Variants in FGF10 observed in about 807,000 individuals in gnomAD.
The protein encoded by FGF10 is fibroblast growth factor 10.
In FGF10, 2 loss-of-function variants were observed where a neutral mutation model predicts 19.8. That is an observed-to-expected ratio of 0.10 (90% CI 0.04 to 0.32). The LOEUF is 0.32. Among genes scored for constraint, FGF10 ranks in the 10% least tolerant of loss-of-function variants. FGF10 has a pLI of 1.00. For synonymous variants in FGF10, 112 were observed against 94.0 expected (o/e 1.19, Z -1.10); for missense variants, 191 against 246.3 (o/e 0.78, Z 1.50).
intron 1 of FGF10, among the ~76,000 whole-genome samples, chr5:44,383,457 A>T (rs1742028354): frequency 6.6e-6 from 1 of 152,078 alleles, no homozygotes; most frequent in Non-Finnish European, 1.5e-5. Flanking sequence ...TTAAAGAGTC[A>T]TTCACACCTT....
chr5:44,375,171 A>G (rs1298247115), intron 1 of FGF10, among the ~76,000 whole-genome samples: 1 of 152,178 alleles, frequency 6.6e-6, no homozygotes, highest in East Asian at 1.9e-4. Context: ...TTATATGCCA[A>G]ATACTATCTT....
chr5:44,335,648 A>G (rs1170140741), intron 1 of FGF10, among the ~76,000 whole-genome samples: 1 of 152,116 alleles, frequency 6.6e-6, no homozygotes, highest in Non-Finnish European at 1.5e-5. Flanking sequence ...ATTATGGAAA[A>G]CACATCCTTT....
intron 1 of FGF10, among the ~76,000 whole-genome samples, chr5:44,361,052 G>GA (rs987627219): frequency 6.6e-6 from 1 of 151,646 alleles, no homozygotes; most frequent in African/African-American, 2.4e-5. Flanking sequence ...AAAGTTCCCA[G>GA]AAATGTCTTT....
chr5:44,304,919 T>A lies in FGF10; in HGVS notation c.*76A>T. 1.4e-6 allele frequency: 2 copies of A among 1,425,154 alleles called. No individual in the cohort carries two copies. Among genetic ancestry groups the A allele is most frequent in the Non-Finnish European group, 9.9e-7 (1 of 1,008,750 alleles). The allele number at this position is 1,425,154 out of a possible 1,614,324, so 88.3% of individuals were successfully genotyped here. A position where few individuals can be genotyped will look rare whatever the true frequency, so the allele number is the denominator to read the frequency against. On this transcript the variant is annotated 3_prime_UTR_variant, in exon 3 of 3. Transcript: ENST00000264664. ...AACGTGTCTTTGCCTTTCAATCTAC[T>A]GTCTTCATGAAGAATATCCACTATT...
In FGF10 at chr5:44,302,039, C is replaced by A. The variant is rs929421113; in HGVS notation, c.*2956G>T. On this transcript the variant is annotated 3_prime_UTR_variant, in exon 3 of 3. Transcript: ENST00000264664. ...CACTTTAACTTTGTGGGCCTGGGAC[C>A]ATACTCCTACAGAGGCAGATCTCTC... Among the ~76,000 whole-genome samples the A allele has an allele frequency of 1.3e-5, 2 of 151,658 alleles. No individual in the cohort carries two copies. Among genetic ancestry groups the A allele is most frequent in the South Asian group, 4.2e-4 (2 of 4,816 alleles).
intron 2 of FGF10, among the ~76,000 whole-genome samples, chr5:44,307,489 A>AC (rs1363104926): frequency 6.6e-6 from 1 of 152,228 alleles, no homozygotes; most frequent in African/African-American, 2.4e-5. Context: ...AAAACTCAAA[A>AC]TACAATAGAT....
At chr5:44,373,499 T>C (rs969786483) in intron 1 of FGF10, among the ~76,000 whole-genome samples, 10 of 152,200 alleles carry the variant, frequency 6.6e-5, no homozygotes, top group Non-Finnish European at 1.3e-4. Context: ...TTCAACACTT[T>C]GCTTGGAAAT....
Position 44,304,899 on chromosome 5 carries a change from G to A in FGF10, c.*96C>T, listed in dbSNP as rs1457099751. On this transcript the variant is annotated 3_prime_UTR_variant, in exon 3 of 3. Coordinates refer to ENST00000264664, the MANE Select transcript of FGF10 (RefSeq NM_004465.2). ...TTAAGCAAGCAGACATCTGCAACGT[G>A]TCTTTGCCTTTCAATCTACTGTCTT... The A allele has an allele frequency of 2.1e-5, 26 of 1,256,754 alleles. No individual in the cohort carries two copies. The highest frequency in any genetic ancestry group is 2.8e-5 in the Non-Finnish European group (24 of 856,862). The allele number at this position is 1,256,754 out of a possible 1,614,324, so 77.9% of individuals were successfully genotyped here.
rs1255091692 is a variant in FGF10, at chr5:44,355,269, C to T, written c.325+33089G>A. On this transcript the variant is annotated intron_variant, in intron 1 of 2. Transcript: ENST00000264664. ...CAAACCACTCTGATGTATGTGGCTT[C>T]AAACTAGTATTAAAAATGATCTTCA... Among the ~76,000 whole-genome samples, 10 of 151,224 alleles carry T rather than the reference C, an allele frequency of 6.6e-5. No homozygotes were observed. The Admixed American group carries it at 6.6e-4, about 10-fold the overall frequency.
intron 1 of FGF10, among the ~76,000 whole-genome samples, chr5:44,315,588 C>T (rs1740326445): frequency 6.6e-6 from 1 of 152,134 alleles, no homozygotes; most frequent in Non-Finnish European, 1.5e-5. Flanking sequence ...TCAGTCACAT[C>T]TATTTTTCTC....
chr5:44,315,333 T>G (rs905766108), intron 1 of FGF10, among the ~76,000 whole-genome samples: 2 of 152,080 alleles, frequency 1.3e-5, no homozygotes, highest in African/African-American at 4.8e-5. Context: ...TAGGGGGGAT[T>G]TGGGAAGTTG....
intron 1 of FGF10, among the ~76,000 whole-genome samples, chr5:44,360,273 C>A (rs991209833): frequency 6.6e-6 from 1 of 151,580 alleles, no homozygotes; most frequent in Non-Finnish European, 1.5e-5. Flanking sequence ...AAAATATACT[C>A]CATCAAGAAA....
In FGF10 at chr5:44,304,897, G is replaced by C; in HGVS notation, c.*98C>G. ...TTTTAAGCAAGCAGACATCTGCAAC[G>C]TGTCTTTGCCTTTCAATCTACTGTC... is the stretch of plus-strand genomic sequence containing the variant. On this transcript the variant is annotated 3_prime_UTR_variant, in exon 3 of 3. Transcript: ENST00000264664. 1 of 1,222,492 alleles carries C rather than the reference G, an allele frequency of 8.2e-7. No homozygotes were observed. The highest frequency in any genetic ancestry group is 1.2e-6 in the Non-Finnish European group (1 of 826,144). The allele number at this position is 1,222,492 out of a possible 1,614,324, so 75.7% of individuals were successfully genotyped here. A position where few individuals can be genotyped will look rare whatever the true frequency, so the allele number is the denominator to read the frequency against.
At chr5:44,355,565 A>G (rs557783649) in intron 1 of FGF10, among the ~76,000 whole-genome samples, 1 of 151,430 alleles carries the variant, frequency 6.6e-6, no homozygotes, top group Non-Finnish European at 1.5e-5. Flanking sequence ...GAGAACTAAC[A>G]AACGTTTCAG....
intron 1 of FGF10, among the ~76,000 whole-genome samples, chr5:44,338,479 A>C (rs1740899663): frequency 6.6e-6 from 1 of 152,276 alleles, no homozygotes; most frequent in African/African-American, 2.4e-5. Context: ...CATTTAGAGG[A>C]GATAAATGCC....
intron 1 of FGF10, among the ~76,000 whole-genome samples, chr5:44,318,158 C>T (rs1740398828): frequency 6.6e-6 from 1 of 152,000 alleles, no homozygotes; most frequent in Admixed American, 6.6e-5. Flanking sequence ...ACTTTTGATC[C>T]CATTTTGCAA....
intron 1 of FGF10, among the ~76,000 whole-genome samples, chr5:44,313,116 T>C (rs115079068): frequency 5.2e-4 from 79 of 152,238 alleles, no homozygotes; most frequent in African/African-American, 1.7e-3. Flanking sequence ...TATTTAGTTA[T>C]TGTTTCAAAA....
chr5:44,354,206 T>C (rs17234149), intron 1 of FGF10, among the ~76,000 whole-genome samples: 1 of 151,284 alleles, frequency 6.6e-6, no homozygotes, highest in African/African-American at 2.4e-5. Context: ...TAAGTAAAAC[T>C]CTTAAATAGA....
intron 1 of FGF10, among the ~76,000 whole-genome samples, chr5:44,375,152 GA>G (rs1741825574): frequency 6.6e-6 from 1 of 152,138 alleles, no homozygotes; most frequent in African/African-American, 2.4e-5. Flanking sequence ...TATATAGAAA[GA>G]GGACTTATTA....
Sources: allele counts gnomAD v4.1 joint callset (sites outside exome capture counted in the v4.1 genomes callset), GRCh38; gene constraint gnomAD v4.1.1; transcripts MANE v1.5; gene names NCBI Gene and HGNC (gene_info 2026-07-23, HGNC 2026-07-21).